POU6F2: variants seen among roughly 807,000 people sequenced by gnomAD.
POU6F2 encodes the protein POU domain, class 6, transcription factor 2.
A neutral mutation model predicts 71.3 loss-of-function variants in POU6F2; 31 were observed. The observed-to-expected ratio is 0.43, with a 90% CI of 0.33 to 0.59. POU6F2 has a LOEUF of 0.59. Among genes scored for constraint, POU6F2 ranks in the 20% least tolerant of loss-of-function variants. POU6F2 has a pLI of 0.04. For missense variants in POU6F2, 783 were observed against 856.8 expected (o/e 0.91, Z 1.07); for synonymous variants, 347 against 355.7 (o/e 0.98, Z 0.27).
At chr7:39,181,930 A>T (rs1223588800) in intron 2 of POU6F2, among the ~76,000 whole-genome samples, 2 of 152,218 alleles carry the variant, frequency 1.3e-5, no homozygotes, top group Non-Finnish European at 2.9e-5. Context: ...AGCTTATTCC[A>T]TCAGGAACTT....
In POU6F2 at chr7:39,451,276, G is replaced by T. The variant is rs143266045; in HGVS notation, c.1321-257G>T. On this transcript the variant is annotated intron_variant, in intron 7 of 9. Transcript: ENST00000518318. ...CAGGGTCGAGAAATGTAGAAAATTG[G>T]GTGCTCTAACAAGCCAAGTAGGGAA... Among the ~76,000 whole-genome samples, 342 of 151,710 alleles carry T rather than the reference G, an allele frequency of 2.3e-3. 4 individuals are homozygous for T. Among genetic ancestry groups the T allele is most frequent in the African/African-American group, 7.5e-3 (309 of 41,314 alleles).
At chr7:39,415,695 A>G (rs1787658060) in intron 6 of POU6F2, among the ~76,000 whole-genome samples, 2 of 152,202 alleles carry the variant, frequency 1.3e-5, no homozygotes, top group Admixed American at 1.3e-4. Flanking sequence ...CTTTAGCTGA[A>G]TGTTCCTTTG....
At chr7:39,371,133 A>T (rs1305156855) in intron 5 of POU6F2, among the ~76,000 whole-genome samples, 1 of 152,110 alleles carries the variant, frequency 6.6e-6, no homozygotes, top group African/African-American at 2.4e-5. Flanking sequence ...CAATGGAATC[A>T]AGGCTGTCTA....
intron 2 of POU6F2, among the ~76,000 whole-genome samples, chr7:39,161,167 A>G (rs1161218986): frequency 6.6e-6 from 1 of 152,058 alleles, no homozygotes; most frequent in African/African-American, 2.4e-5. Context: ...ACCTATTCCT[A>G]ACTACAATCT....
At chr7:39,440,938 C>G (rs1788388171) in intron 7 of POU6F2, among the ~76,000 whole-genome samples, 1 of 152,100 alleles carries the variant, frequency 6.6e-6, no homozygotes, top group Non-Finnish European at 1.5e-5. Context: ...TTTCAATGGT[C>G]AAGTCCCTCT....
intron 4 of POU6F2, among the ~76,000 whole-genome samples, chr7:39,315,165 T>C (rs1427869720): frequency 6.6e-6 from 1 of 152,176 alleles, no homozygotes; most frequent in Non-Finnish European, 1.5e-5. Context: ...TATGTATAGG[T>C]TAGGATTTTT....
chr7:39,139,715 G>A (rs961614646), intron 2 of POU6F2, among the ~76,000 whole-genome samples: 1 of 152,186 alleles, frequency 6.6e-6, no homozygotes, highest in Non-Finnish European at 1.5e-5. Context: ...TTGAATCAGG[G>A]CAGATTTCTG....
At chr7:39,291,187 T>C (rs2128762128) in intron 4 of POU6F2, among the ~76,000 whole-genome samples, 1 of 152,286 alleles carries the variant, frequency 6.6e-6, no homozygotes, top group South Asian at 2.1e-4. Flanking sequence ...ACAAATTAAT[T>C]CCCATCTAAT....
At chr7:39,409,560 G>A (rs1323078281) in intron 6 of POU6F2, among the ~76,000 whole-genome samples, 1 of 152,190 alleles carries the variant, frequency 6.6e-6, no homozygotes, top group Non-Finnish European at 1.5e-5. Context: ...CATTCTTAAT[G>A]TTCAAATGGA....
intron 1 of POU6F2, among the ~76,000 whole-genome samples, chr7:39,033,408 G>A (rs1163025181): frequency 1.3e-5 from 2 of 152,128 alleles, no homozygotes; most frequent in Non-Finnish European, 2.9e-5. Flanking sequence ...ACATTGCTTA[G>A]CAAATATAAA....
At chr7:39,377,356 C>T (rs1013733738) in intron 5 of POU6F2, among the ~76,000 whole-genome samples, 5 of 152,110 alleles carry the variant, frequency 3.3e-5, no homozygotes, top group Non-Finnish European at 1.5e-5. Context: ...GTCTTGAACT[C>T]CTGACCTCAG....
intron 1 of POU6F2, among the ~76,000 whole-genome samples, chr7:39,074,476 C>T (rs1405030224): frequency 6.7e-6 from 1 of 149,702 alleles, no homozygotes; most frequent in East Asian, 1.9e-4. Context: ...TGAGACTTGT[C>T]CCCCCCTCAA....
chr7:39,429,072 C>T (rs377401249), intron 6 of POU6F2, among the ~76,000 whole-genome samples: 1 of 151,196 alleles, frequency 6.6e-6, no homozygotes, highest in African/African-American at 2.4e-5. Flanking sequence ...TGTTAGAAAC[C>T]TGCACATTGT....
intron 2 of POU6F2, among the ~76,000 whole-genome samples, chr7:39,104,922 A>G (rs1304055984): frequency 6.6e-6 from 1 of 152,234 alleles, no homozygotes; most frequent in Admixed American, 6.5e-5. Flanking sequence ...TGCAACATTT[A>G]GTGAGCATAG....
intron 1 of POU6F2, among the ~76,000 whole-genome samples, chr7:38,981,255 A>T (rs533332787): frequency 6.6e-6 from 1 of 152,224 alleles, no homozygotes; most frequent in Admixed American, 6.5e-5. Flanking sequence ...TCTTATGGCC[A>T]TGTTTAGTGC....
intron 5 of POU6F2, among the ~76,000 whole-genome samples, chr7:39,373,041 C>A (rs1226042504): frequency 1.3e-5 from 2 of 152,292 alleles, no homozygotes; most frequent in African/African-American, 4.8e-5. Context: ...CATTTAGTAG[C>A]TGTGTGATCT....
At chr7:38,997,909 A>G (rs1788784263) in intron 1 of POU6F2, among the ~76,000 whole-genome samples, 1 of 152,196 alleles carries the variant, frequency 6.6e-6, no homozygotes, top group Admixed American at 6.5e-5. Context: ...TTTTAATTCA[A>G]AGAGATTAAC....
At chr7:39,422,097 AAAAG>A (rs1160044742) in intron 6 of POU6F2, among the ~76,000 whole-genome samples, 28 of 152,348 alleles carry the variant, frequency 1.8e-4, no homozygotes, top group African/African-American at 6.5e-4. Context: ...CAAGAAAATG[AAAAG>A]AAACCATAGT....
At chr7:39,127,607 G>A (rs755766336) in intron 2 of POU6F2, among the ~76,000 whole-genome samples, 26 of 152,180 alleles carry the variant, frequency 1.7e-4, no homozygotes, top group African/African-American at 5.1e-4. Context: ...GAACTGGAGC[G>A]TGATGGGGGT....
Sources: allele counts gnomAD v4.1 joint callset (sites outside exome capture counted in the v4.1 genomes callset), GRCh38; gene constraint gnomAD v4.1.1; transcripts MANE v1.5; gene names NCBI Gene and HGNC (gene_info 2026-07-23, HGNC 2026-07-21).